Variants in SLC26A9 observed in about 807,000 individuals in gnomAD.
SLC26A9 encodes anion transporter/exchanger protein 9.
SLC26A9 carries 46 observed loss-of-function variants against 87.1 expected under a neutral mutation model. The ratio of observed to expected loss-of-function variants is 0.53; its 90% CI spans 0.42 to 0.67. SLC26A9 has a LOEUF of 0.67. Among genes scored for constraint, SLC26A9 ranks in the 30% least tolerant of loss-of-function variants. The probability of loss-of-function intolerance (pLI) is 0.00; values close to 1 mark genes in which losing one functional copy is unlikely to be tolerated. For synonymous variants in SLC26A9, 437 were observed against 409.1 expected (o/e 1.07, Z -0.82); for missense variants, 927 against 1,018.3 (o/e 0.91, Z 1.22).
rs1373567920 is a variant in SLC26A9, at chr1:205,920,212, T to C, written c.2074A>G (p.Lys692Glu). The change falls in exon 18 of 21, where the codon AAG becomes GAG. Residue 692 changes from lysine to glutamate, a missense_variant. Transcript: ENST00000367135. ...ACCAAGAAGACCTTCACGCCGATCTTCCCATAGGTGGAGCTCAGCTAGAAG... is the reference window on the plus strand; with the variant it reads ...ACCAAGAAGACCTTCACGCCGATCTCCCCATAGGTGGAGCTCAGCTAGAAG... ...ALAKLSSTYGKIGVKVFLVNI... is the reference protein window; with the variant it reads ...ALAKLSSTYGEIGVKVFLVNI... The C allele has an allele frequency of 6.2e-7, 1 of 1,614,034 alleles. No homozygotes were observed. The highest frequency in any genetic ancestry group is 1.7e-5 in the Admixed American group (1 of 60,014).
At position 205,920,097 on chromosome 1, in the gene SLC26A9, C is replaced by T; in HGVS notation, c.2110+79G>A. 3.9e-6 allele frequency: 6 copies of T among 1,553,636 alleles called. No individual in the cohort carries two copies. The Admixed American group carries it at 5.0e-5, about 13-fold the overall frequency. On this transcript the variant is annotated intron_variant, in intron 18 of 20. Coordinates refer to ENST00000367135, the MANE Select transcript of SLC26A9 (RefSeq NM_052934.4). ...GGTGCTCTCGTTTCCAACCTCCTCA[C>T]TATTCAGACCCCACCAACCTGTTCC...
At chr1:205,917,217 G>A in intron 20 of SLC26A9, 66 bp downstream of exon 20, 2 of 1,553,542 alleles carry the variant, frequency 1.3e-6, no homozygotes, top group Non-Finnish European at 1.8e-6. Context: ...CCTTGTATTT[G>A]ACAGCGACCC....
intron 2 of SLC26A9, 24 bp downstream of exon 2, chr1:205,935,672 A>C: frequency 6.2e-7 from 1 of 1,613,572 alleles, no homozygotes; most frequent in Non-Finnish European, 8.5e-7. Flanking sequence ...GAGGAGGCAG[A>C]AGTCTGGGCT....
At chr1:205,931,734 TG>T in intron 5 of SLC26A9, 125 bp downstream of exon 5, 2 of 1,305,538 alleles carry the variant, frequency 1.5e-6, no homozygotes, top group Non-Finnish European at 2.1e-6. Flanking sequence ...CCCAAAGTGC[TG>T]GGATTACAGG....
chr1:205,927,109 G>C (rs1659101536), intron 11 of SLC26A9, 102 bp downstream of exon 11: 1 of 1,216,430 alleles, frequency 8.2e-7, no homozygotes, highest in Non-Finnish European at 1.2e-6. Flanking sequence ...GACTAAGTGT[G>C]ACAACAGTGG....
At chr1:205,936,824 G>A (rs1659527565) in intron 1 of SLC26A9, among the ~76,000 whole-genome samples, 1 of 152,192 alleles carries the variant, frequency 6.6e-6, no homozygotes, top group African/African-American at 2.4e-5. Flanking sequence ...ACTACTTGGG[G>A]GCTAGAGATG....
intron 10 of SLC26A9, 70 bp from the exon 11 acceptor site, chr1:205,927,358 TGGCTTTG>T: frequency 6.3e-7 from 1 of 1,577,182 alleles, no homozygotes; most frequent in Non-Finnish European, 8.7e-7. Flanking sequence ...TTCCAATCCA[TGGCTTTG>T]GTGGAGTGGA....
At chr1:205,940,667 G>A (rs1257542195) in intron 1 of SLC26A9, among the ~76,000 whole-genome samples, 3 of 152,158 alleles carry the variant, frequency 2.0e-5, no homozygotes, top group Admixed American at 1.3e-4. Context: ...GACTTGATGA[G>A]AGGAACAGCA....
At chr1:205,929,106 A>G in intron 7 of SLC26A9, 98 bp downstream of exon 7, 6 of 1,541,438 alleles carry the variant, frequency 3.9e-6, no homozygotes, top group Non-Finnish European at 5.3e-6. Context: ...TTCCTGTCCC[A>G]CTGGCTGCCA....
chr1:205,937,274 C>T (rs1423069615), intron 1 of SLC26A9, among the ~76,000 whole-genome samples: 1 of 152,112 alleles, frequency 6.6e-6, no homozygotes, highest in African/African-American at 2.4e-5. Context: ...AATGAACCTA[C>T]CCCCAGCGCC....
intron 5 of SLC26A9, among the ~76,000 whole-genome samples, chr1:205,931,360 T>C (rs1571749634): frequency 6.6e-6 from 1 of 152,112 alleles, no homozygotes; most frequent in East Asian, 1.9e-4. Flanking sequence ...ACAGCTGTTG[T>C]TTTTTTGTAT....
At chr1:205,938,419 C>T (rs1014293550) in intron 1 of SLC26A9, among the ~76,000 whole-genome samples, 2 of 152,104 alleles carry the variant, frequency 1.3e-5, no homozygotes, top group African/African-American at 2.4e-5. Flanking sequence ...CCCCTCCAAC[C>T]CAGCCTAAAC....
chr1:205,918,061 A>C (rs942023403), intron 19 of SLC26A9, among the ~76,000 whole-genome samples: 2 of 152,182 alleles, frequency 1.3e-5, no homozygotes, highest in Non-Finnish European at 2.9e-5. Context: ...CACCTTCATC[A>C]GTCTCTTAAG....
At chr1:205,923,253 T>C in intron 15 of SLC26A9, 58 bp from the exon 16 acceptor site, 8 of 1,608,780 alleles carry the variant, frequency 5.0e-6, no homozygotes, top group Non-Finnish European at 6.8e-6. Context: ...AGTGGCCTAT[T>C]CTCAGCTCCC....
At chr1:205,919,407 G>A (rs546572258) in intron 18 of SLC26A9, among the ~76,000 whole-genome samples, 1 of 152,268 alleles carries the variant, frequency 6.6e-6, no homozygotes, top group East Asian at 1.9e-4. Flanking sequence ...TCCTGAGGGG[G>A]TGTCCAGTGA....
chr1:205,937,765 C>T (rs1369834983), intron 1 of SLC26A9, among the ~76,000 whole-genome samples: 2 of 152,094 alleles, frequency 1.3e-5, no homozygotes, highest in Non-Finnish European at 2.9e-5. Context: ...AGGTGGTTTG[C>T]CTGCGGGGGC....
At chr1:205,916,032 G>C (rs988991194) in intron 20 of SLC26A9, among the ~76,000 whole-genome samples, 1 of 152,186 alleles carries the variant, frequency 6.6e-6, no homozygotes, top group African/African-American at 2.4e-5. Context: ...CAGGGCATTG[G>C]TGGGGTGGTG....
intron 19 of SLC26A9, among the ~76,000 whole-genome samples, chr1:205,918,239 G>T (rs941117445): frequency 1.3e-5 from 2 of 152,182 alleles, no homozygotes; most frequent in African/African-American, 4.8e-5. Flanking sequence ...GGGGATCTGG[G>T]CAGGGACCCC....
At chr1:205,919,110 T>C (rs1459443365) in intron 18 of SLC26A9, 125 bp from the exon 19 acceptor site, 10 of 1,200,608 alleles carry the variant, frequency 8.3e-6, no homozygotes, top group Non-Finnish European at 8.3e-6. Context: ...TTGCTGTATC[T>C]GAGGGCCATG....
Sources: allele counts gnomAD v4.1 joint callset (sites outside exome capture counted in the v4.1 genomes callset), GRCh38; gene constraint gnomAD v4.1.1; transcripts MANE v1.5; gene names NCBI Gene and HGNC (gene_info 2026-07-23, HGNC 2026-07-21).